TNRC6B: variants seen among roughly 807,000 people sequenced by gnomAD.
TNRC6B encodes trinucleotide repeat containing adaptor 6B.
Under a neutral mutation model 203.6 loss-of-function variants are expected in TNRC6B, and 52 were observed. That is an observed-to-expected ratio of 0.26 (90% CI 0.20 to 0.32). The LOEUF is 0.32. Ranked by LOEUF, TNRC6B falls within the 10% of genes least tolerant of loss-of-function variation. The pLI, the probability that TNRC6B is intolerant of heterozygous loss-of-function variation, is 1.00. For missense variants in TNRC6B, 1,923 were observed against 2,286.2 expected (o/e 0.84, Z 3.24); for synonymous variants, 838 against 845.7 (o/e 0.99, Z 0.16).
At chr22:40,187,211 C>T (rs1355035807) in intron 1 of TNRC6B, among the ~76,000 whole-genome samples, 7 of 152,144 alleles carry the variant, frequency 4.6e-5, no homozygotes, top group South Asian at 2.1e-4. Context: ...TACTGTACAG[C>T]GGATGTGCAC....
chr22:40,246,739 G>A (rs73885669), intron 2 of TNRC6B, among the ~76,000 whole-genome samples: 2,460 of 152,172 alleles, frequency 0.016, 75 homozygotes, highest in African/African-American at 0.057. Context: ...CAAGCCTATA[G>A]AATAGCTTTT....
At position 40,277,145 on chromosome 22, in the gene TNRC6B, A is replaced by G; in HGVS notation, c.3210A>G (p.Gly1070=). The change falls in exon 8 of 23, where the codon GGA becomes GGG. Residue 1070 remains glycine, a synonymous_variant. Transcript: ENST00000454349. ...TTGCCAAACAGTTTTCAAATATGGG[A>G]TTGCTGGTAAGTTTTATTTTTTTCA... ...NPLAKQFSNM[G]LLSQTEDNPS... is the part of the protein sequence containing the mutation. 1 of 1,606,512 alleles carries G rather than the reference A, an allele frequency of 6.2e-7. No homozygotes were observed. The highest frequency in any genetic ancestry group is 8.5e-7 in the Non-Finnish European group (1 of 1,177,284).
At chr22:40,066,959 A>C (rs908693375) in intron 1 of TNRC6B, among the ~76,000 whole-genome samples, 7 of 148,932 alleles carry the variant, frequency 4.7e-5, no homozygotes, top group African/African-American at 7.5e-5. Flanking sequence ...GCTGGAGTGC[A>C]GTGGCATGAT....
intron 3 of TNRC6B, among the ~76,000 whole-genome samples, chr22:40,130,779 T>TAAAA (rs200268757): frequency 3.1e-5 from 2 of 65,042 alleles, no homozygotes; most frequent in Admixed American, 1.9e-4. Flanking sequence ...AGACTCCGTC[T>TAAAA]AAAAAAAAAA....
intron 1 of TNRC6B, among the ~76,000 whole-genome samples, chr22:40,207,420 T>TAA (rs1569020933): frequency 1.2e-5 from 1 of 85,440 alleles, no homozygotes; most frequent in Non-Finnish European, 2.0e-5. Context: ...AAAAAAAAAA[T>TAA]ATATATATAT....
At chr22:40,312,716 C>T in intron 18 of TNRC6B, 65 bp downstream of exon 18, 2 of 1,557,516 alleles carry the variant, frequency 1.3e-6, no homozygotes, top group Non-Finnish European at 8.7e-7. Flanking sequence ...CAGTTTGTGA[C>T]TTCATTTGTA....
intron 1 of TNRC6B, among the ~76,000 whole-genome samples, chr22:40,208,033 G>A (rs986658802): frequency 7.4e-5 from 11 of 147,766 alleles, no homozygotes; most frequent in Non-Finnish European, 1.0e-4. Context: ...AGAATGGCGG[G>A]AACCCGGGAG....
chr22:40,259,889 C>T (rs2070349315), intron 3 of TNRC6B, among the ~76,000 whole-genome samples: 1 of 152,198 alleles, frequency 6.6e-6, no homozygotes, highest in African/African-American at 2.4e-5. Flanking sequence ...CAGAATCATC[C>T]GAACTGTCAG....
chr22:40,051,826 A>G (rs2067747920), intron 1 of TNRC6B, among the ~76,000 whole-genome samples: 1 of 152,252 alleles, frequency 6.6e-6, no homozygotes, highest in Admixed American at 6.5e-5. Flanking sequence ...TGACTTCAGT[A>G]TATCCAAAAT....
chr22:40,217,570 A>G (rs1160559167), intron 1 of TNRC6B, among the ~76,000 whole-genome samples: 6 of 152,240 alleles, frequency 3.9e-5, no homozygotes, highest in Admixed American at 3.9e-4. Context: ...TAGAATTTAC[A>G]CATCCAAATC....
chr22:40,240,822 ATTG>A lies in TNRC6B; in HGVS notation c.6-5184_6-5182del, dbSNP rs570298417. Reference sequence around the variant, plus strand: ...TTGTTGCTGTATGGGAGGGTTTTTTATTGTTGTTGTTTGTTTTGGAGACAGGGT... The same window carrying A: ...TTGTTGCTGTATGGGAGGGTTTTTTATTGTTGTTTGTTTTGGAGACAGGGT... On this transcript the variant is annotated intron_variant, in intron 1 of 22. Coordinates refer to ENST00000454349, the MANE Select transcript of TNRC6B (RefSeq NM_001162501.2). 5.0e-3 allele frequency among the ~76,000 whole-genome samples: 765 copies of A among 151,868 alleles called. 5 individuals carry two copies. Among genetic ancestry groups the A allele is most frequent in the African/African-American group, 0.018 (737 of 41,388 alleles).
chr22:40,279,875 A>T, intron 9 of TNRC6B, 120 bp from the exon 10 acceptor site: 1 of 793,756 alleles, frequency 1.3e-6, no homozygotes, highest in Non-Finnish European at 2.0e-6. Context: ...TATCCCCAGA[A>T]ATAGAAATAT....
chr22:40,106,665 T>G, intron 1 of TNRC6B: 1 of 752,810 alleles, frequency 1.3e-6, no homozygotes, highest in Admixed American at 1.7e-5. Flanking sequence ...TCTACAATCC[T>G]CAGCATGTTA....
At chr22:40,312,843 T>G (rs1239474801) in intron 18 of TNRC6B, 59 bp from the exon 19 acceptor site, 1 of 1,534,266 alleles carries the variant, frequency 6.5e-7, no homozygotes, top group Non-Finnish European at 9.0e-7. Flanking sequence ...CTCTCAAGGT[T>G]TCACTGGTTA....
Position 40,141,664 on chromosome 22 carries a change from T to G in TNRC6B, c.46-14451T>G, listed in dbSNP as rs1316676526. Among the ~76,000 whole-genome samples the G allele has an allele frequency of 3.9e-5, 6 of 152,270 alleles. No individual in the cohort carries two copies. In the East Asian group the frequency reaches 1.2e-3, roughly 29 times the overall value. ...TCTCCCTCCTCTGACTGACTGCCCCTTAGTTCAGCTGTAGTCTGCCTACTG... is the reference window on the plus strand; with the variant it reads ...TCTCCCTCCTCTGACTGACTGCCCCGTAGTTCAGCTGTAGTCTGCCTACTG... On this transcript the variant is annotated intron_variant, in intron 3 of 23. Coordinates refer to the TNRC6B transcript ENST00000301923.
chr22:40,167,283 C>T (rs2068927927), intron 4 of TNRC6B, among the ~76,000 whole-genome samples: 1 of 152,112 alleles, frequency 6.6e-6, no homozygotes, highest in African/African-American at 2.4e-5. Context: ...CTCATAAGTC[C>T]ATTGACACAA....
intron 1 of TNRC6B, among the ~76,000 whole-genome samples, chr22:40,224,338 A>T (rs1348419974): frequency 6.6e-6 from 1 of 152,078 alleles, no homozygotes; most frequent in Non-Finnish European, 1.5e-5. Flanking sequence ...CTATTCCCTT[A>T]TAGAGAATGC....
At position 40,240,450 on chromosome 22, in the gene TNRC6B, A is replaced by G. The variant is rs2050180383; in HGVS notation, c.6-5565A>G. ...AAGATTAGTACAGCACACTGGGGTA[A>G]GTAGATGAGGTTGGACTGGGCTAGC... On this transcript the variant is annotated intron_variant, in intron 1 of 22. Coordinates refer to ENST00000454349, the MANE Select transcript of TNRC6B (RefSeq NM_001162501.2). Among the ~76,000 whole-genome samples the G allele has an allele frequency of 2.0e-5, 3 of 152,280 alleles. No homozygotes were observed. The South Asian group carries it at 6.2e-4, about 32-fold the overall frequency.
chr22:40,330,063 T>A lies in TNRC6B; in HGVS notation c.*6822T>A, dbSNP rs2146592019. The stretch of plus-strand genomic sequence containing the variant: ...TGTTTTAAATAAAGAATAAATAGTG[T>A]CCGTTTAAAGCACTTTGTGCCTCAA... On this transcript the variant is annotated 3_prime_UTR_variant, in exon 23 of 23. Transcript: ENST00000454349. The A allele has an allele frequency of 6.6e-6, 1 of 152,352 alleles. No individual in the cohort carries two copies. Among genetic ancestry groups the A allele is most frequent in the Admixed American group, 6.5e-5 (1 of 15,304 alleles). The allele number at this position is 152,352 out of a possible 1,614,324, so 9.4% of individuals were successfully genotyped here. A position where few individuals can be genotyped will look rare whatever the true frequency, so the allele number is the denominator to read the frequency against.
Sources: allele counts gnomAD v4.1 joint callset (sites outside exome capture counted in the v4.1 genomes callset), GRCh38; gene constraint gnomAD v4.1.1; transcripts MANE v1.5; gene names NCBI Gene and HGNC (gene_info 2026-07-23, HGNC 2026-07-21).